NECTIN3: variants seen among roughly 807,000 people sequenced by gnomAD.
The protein encoded by NECTIN3 is nectin cell adhesion molecule 3, also known as nectin-3.
Under a neutral mutation model 49.4 loss-of-function variants are expected in NECTIN3, and 8 were observed. The observed-to-expected ratio is 0.16, with a 90% CI of 0.10 to 0.29. The LOEUF (loss-of-function observed/expected upper bound fraction) is 0.29. Ranked by LOEUF, NECTIN3 falls within the 10% of genes least tolerant of loss-of-function variation. The pLI, the probability that NECTIN3 is intolerant of heterozygous loss-of-function variation, is 1.00. For synonymous variants in NECTIN3, 277 were observed against 241.1 expected, an observed-to-expected ratio of 1.15 and a Z score of -1.38; for missense variants, 581 against 654.6, an observed-to-expected ratio of 0.89 and a Z score of 1.23.
chr3:111,134,419 G>T lies in NECTIN3; in HGVS notation c.*204G>T. The T allele has an allele frequency of 7.9e-7, 1 of 1,266,624 alleles. No homozygotes were observed. Among genetic ancestry groups the T allele is most frequent in the Non-Finnish European group, 9.9e-7 (1 of 1,005,694 alleles). The allele number at this position is 1,266,624 out of a possible 1,614,324, so 78.5% of individuals were successfully genotyped here. The stretch of plus-strand genomic sequence containing the variant: ...TGCTTTACAATTTTTTTTCAATGCT[G>T]TACTACTGTCTCAAGATTTAAATTT... On this transcript the variant is annotated 3_prime_UTR_variant, in exon 6 of 6. Coordinates refer to ENST00000485303, the MANE Select transcript of NECTIN3 (RefSeq NM_015480.3).
chr3:111,181,084 G>A (rs1008474252), intron 7 of NECTIN3, among the ~76,000 whole-genome samples: 2 of 152,034 alleles, frequency 1.3e-5, no homozygotes, highest in African/African-American at 2.4e-5. Context: ...AATTTCTCAT[G>A]TATACCCTCC....
chr3:111,101,570 CTT>C (rs2032909495), intron 1 of NECTIN3, among the ~76,000 whole-genome samples: 1 of 152,046 alleles, frequency 6.6e-6, no homozygotes, highest in African/African-American at 2.4e-5. Context: ...AGGAAGTTGA[CTT>C]TTATTGAACT....
At chr3:111,130,408 A>G (rs897452734) in intron 5 of NECTIN3, among the ~76,000 whole-genome samples, 6 of 152,088 alleles carry the variant, frequency 3.9e-5, no homozygotes, top group South Asian at 4.1e-4. Context: ...CCTTTCCAGA[A>G]TGACTATTTA....
intron 4 of NECTIN3, among the ~76,000 whole-genome samples, chr3:111,124,471 A>G (rs2034080554): frequency 6.6e-6 from 1 of 152,186 alleles, no homozygotes; most frequent in Non-Finnish European, 1.5e-5. Flanking sequence ...CCAAAGTACA[A>G]AGGTAATTGT....
intron 1 of NECTIN3, chr3:111,077,051 A>G (rs2031252668): frequency 5.8e-6 from 1 of 173,826 alleles, no homozygotes; most frequent in African/African-American, 2.4e-5. Context: ...ACTAATTATA[A>G]TGTAACTTAT....
chr3:111,092,256 C>T, intron 1 of NECTIN3, among the ~76,000 whole-genome samples: 1 of 152,012 alleles, frequency 6.6e-6, no homozygotes, highest in East Asian at 1.9e-4. Flanking sequence ...GTTGTGTTTT[C>T]TTTCACCCTA....
intron 1 of NECTIN3, among the ~76,000 whole-genome samples, chr3:111,095,281 G>A: frequency 6.6e-6 from 1 of 151,928 alleles, no homozygotes; most frequent in East Asian, 1.9e-4. Flanking sequence ...ACCTAAATTT[G>A]CTTTTCAGAA....
intron 1 of NECTIN3, among the ~76,000 whole-genome samples, chr3:111,094,637 A>G (rs1300653888): frequency 6.6e-6 from 1 of 152,232 alleles, no homozygotes; most frequent in Non-Finnish European, 1.5e-5. Context: ...AACCAGGAAC[A>G]GGATTCCACA....
At chr3:111,172,790 A>G (rs549375658) in intron 7 of NECTIN3, among the ~76,000 whole-genome samples, 4 of 152,302 alleles carry the variant, frequency 2.6e-5, no homozygotes, top group Non-Finnish European at 5.9e-5. Flanking sequence ...TATACACTTT[A>G]TAGCACCTAG....
chr3:111,175,983 A>C (rs1299845696), intron 7 of NECTIN3, among the ~76,000 whole-genome samples: 1 of 152,204 alleles, frequency 6.6e-6, no homozygotes, highest in Admixed American at 6.5e-5. Flanking sequence ...TCCTATCTTA[A>C]CAGAGTGATT....
At chr3:111,148,245 A>C (rs1056591325) in intron 7 of NECTIN3, among the ~76,000 whole-genome samples, 4 of 152,198 alleles carry the variant, frequency 2.6e-5, no homozygotes, top group Non-Finnish European at 4.4e-5. Flanking sequence ...CATTGATTTA[A>C]TTTGGTGGAA....
chr3:111,168,390 A>G (rs960314584), intron 7 of NECTIN3, among the ~76,000 whole-genome samples: 2 of 152,176 alleles, frequency 1.3e-5, no homozygotes, highest in Admixed American at 6.5e-5. Flanking sequence ...AGATATGTTC[A>G]TACACACATA....
intron 7 of NECTIN3, among the ~76,000 whole-genome samples, chr3:111,179,677 G>A (rs1181194822): frequency 1.3e-5 from 2 of 152,022 alleles, no homozygotes; most frequent in African/African-American, 2.4e-5. Flanking sequence ...GGCAGATCAC[G>A]AGGTCAGGAG....
chr3:111,139,180 C>A (rs1259999915), downstream of NECTIN3, among the ~76,000 whole-genome samples: 2 of 151,518 alleles, frequency 1.3e-5, no homozygotes, highest in East Asian at 3.9e-4. Context: ...TAGAAAGTAA[C>A]CACAGTATCA....
At chr3:111,145,027 C>T in exon 6 of NECTIN3, 1 of 1,536,280 alleles carries the variant, frequency 6.5e-7, no homozygotes. Flanking sequence ...ACCATCCTAT[C>T]TTGACAAAGT....
At chr3:111,092,632 TGTTC>T (rs2032335760) in intron 1 of NECTIN3, among the ~76,000 whole-genome samples, 1 of 24,414 alleles carries the variant, frequency 4.1e-5, no homozygotes, top group Non-Finnish European at 2.6e-3. Flanking sequence ...GACTCAGTAC[TGTTC>T]TGTTGATTCA....
chr3:111,186,204 C>G (rs2035717373), intron 7 of NECTIN3, among the ~76,000 whole-genome samples: 1 of 151,956 alleles, frequency 6.6e-6, no homozygotes, highest in African/African-American at 2.4e-5. Flanking sequence ...TTAGGAAAAA[C>G]TATTTTAAAA....
intron 7 of NECTIN3, among the ~76,000 whole-genome samples, chr3:111,167,574 C>T (rs1328077242): frequency 6.6e-6 from 1 of 152,018 alleles, no homozygotes. Flanking sequence ...AAAGCTGGTG[C>T]ATTGTAGATA....
intron 7 of NECTIN3, among the ~76,000 whole-genome samples, chr3:111,177,345 T>A (rs2035549410): frequency 6.6e-6 from 1 of 152,148 alleles, no homozygotes; most frequent in South Asian, 2.1e-4. Flanking sequence ...GGAACTTAGA[T>A]GCTAGATTAA....
Sources: gnomAD v4.1 joint callset for allele counts (sites outside exome capture counted in the v4.1 genomes callset) on GRCh38, gnomAD v4.1.1 for gene constraint, MANE v1.5 for transcripts, NCBI Gene and HGNC (gene_info 2026-07-23, HGNC 2026-07-21) for gene names.